The following NAGPA variants were observed in gnomAD, a reference collection of about 807,000 sequenced individuals.
The protein encoded by NAGPA is N-acetylglucosamine-1-phosphodiester alpha-N-acetylglucosaminidase, also known as alpha-N-acetylglucosaminyl phosphodiesterase.
A neutral mutation model predicts 48.5 loss-of-function variants in NAGPA; 56 were observed. The observed-to-expected ratio is 1.15, with a 90% CI of 0.93 to 1.44. The LOEUF is 1.44. Ranked by LOEUF, NAGPA falls within the 40% of genes most tolerant of loss-of-function variation. The pLI is 0.00. For missense variants in NAGPA, 888 were observed against 735.0 expected, an observed-to-expected ratio of 1.21 and a Z score of -2.41; for synonymous variants, 399 against 315.5, an observed-to-expected ratio of 1.26 and a Z score of -2.81.
In NAGPA at chr16:5,027,277, C is replaced by T. The variant is rs762744538; in HGVS notation, c.1276+1G>A. 9 of 1,614,210 alleles carry T rather than the reference C, an allele frequency of 5.6e-6. No individual in the cohort carries two copies. The South Asian group carries it at 7.7e-5, about 14-fold the overall frequency. On this transcript the variant is annotated splice_donor_variant, in intron 8 of 9. Transcript: ENST00000312251. LOFTEE classifies it high-confidence loss of function. The stretch of plus-strand genomic sequence containing the variant: ...ACCCCTCCCCTTGGAGGGATAGGTA[C>T]CTCTGGAGACGCTGCAGTTGCCAGT...
chr16:5,028,687 G>A, intron 5 of NAGPA, 193 bp downstream of exon 5: 2 of 807,832 alleles, frequency 2.5e-6, no homozygotes, highest in South Asian at 1.5e-5. Flanking sequence ...TCCTCAGGGA[G>A]GTCTTTGCTG....
At chr16:5,025,751 G>C in intron 9 of NAGPA, 66 bp from the exon 10 acceptor site, 1 of 1,485,624 alleles carries the variant, frequency 6.7e-7, no homozygotes, top group Non-Finnish European at 9.2e-7. Context: ...GGTAGCACTG[G>C]AGGGGCTTCC....
At position 5,027,288 on chromosome 16, in the gene NAGPA, G is replaced by A. The variant is rs182496699; in HGVS notation, c.1266C>T (p.Ser422=). ...CPCDPKTGNC[S]VSRVKQCLQP... The stretch of plus-strand genomic sequence containing the variant: ...TGGAGGGATAGGTACCTCTGGAGAC[G>A]CTGCAGTTGCCAGTCTTGGGGTCAC... Residue 422 remains serine, a synonymous_variant, in exon 8 of 10, where the codon AGC becomes AGT. Transcript: ENST00000312251. The A allele has an allele frequency of 7.6e-5, 122 of 1,614,234 alleles. No individual in the cohort carries two copies. The Admixed American group carries it at 1.3e-3, about 17-fold the overall frequency.
rs761793673 is a variant in NAGPA, at chr16:5,033,281, C to G, written c.534G>C (p.Leu178=). The change falls in exon 2 of 10, where the codon CTG becomes CTC. Residue 178 remains leucine (L), a synonymous_variant. Coordinates refer to ENST00000312251, the MANE Select transcript of NAGPA (RefSeq NM_016256.4). This position sits in a 1 kb window ranked among gnomAD's most constrained non-coding sequence, Gnocchi z 4.2. ...GCTCCCTGCCTCCTCACCCGGTGACCAGGGTCCCGTCGCGGCGGATCCCGA... is the reference window on the plus strand; with the variant it reads ...GCTCCCTGCCTCCTCACCCGGTGACGAGGGTCCCGTCGCGGCGGATCCCGA... ...AQFGIRRDGT[L]VTGYLSEEEV... is the part of the protein sequence containing the mutation. The G allele has an allele frequency of 7.5e-6, 12 of 1,593,816 alleles. No individual in the cohort carries two copies. Among genetic ancestry groups the G allele is most frequent in the South Asian group, 6.7e-5 (6 of 90,180 alleles).
rs748371950 is a variant in NAGPA at position 5,029,020 on chromosome 16, A to C, written c.792-12T>G. 2 of 1,612,440 alleles carry C rather than the reference A, an allele frequency of 1.2e-6. No homozygotes were observed. Among genetic ancestry groups the C allele is most frequent in the South Asian group, 2.2e-5 (2 of 91,088 alleles). ...CCCACAGGTTGATGCTGCGGCACAA[A>C]GCGGCGCTGCTCAGGCTCAGCGCCC... On this transcript the variant is annotated splice_polypyrimidine_tract_variant and intron_variant, in intron 4 of 9. Coordinates refer to ENST00000312251, the MANE Select transcript of NAGPA (RefSeq NM_016256.4).
At chr16:5,029,495 C>CCTGGATTCTTCCAACAACCTGGA (rs1204962149) in intron 4 of NAGPA, 4 of 232,930 alleles carry the variant, frequency 1.7e-5, no homozygotes, top group Non-Finnish European at 2.6e-5. Flanking sequence ...ACAACCTAAA[C>CCTGGATTCTTCCAACAACCTGGA]AAGAGGATTC....
Position 5,033,001 on chromosome 16 carries a change from T to C in NAGPA, c.542+272A>G. The C allele has an allele frequency of 1.8e-6, 1 of 569,540 alleles. No individual in the cohort carries two copies. The highest frequency in any genetic ancestry group is 3.1e-6 in the Non-Finnish European group (1 of 320,520). 35.3% of individuals were successfully genotyped at this position (569,540 alleles called of 1,614,324 possible). ...ATGTTAGCTATTTACCCGGCTTTTG[T>C]TGATTTTTCTAGTAATGGGGGAGGG... is the stretch of plus-strand genomic sequence containing the variant. On this transcript the variant is annotated intron_variant, in intron 2 of 9. Transcript: ENST00000312251. The surrounding 1 kb of genome is among the most constrained non-coding windows in gnomAD (Gnocchi z 4.2).
At position 5,033,018 on chromosome 16, in the gene NAGPA, G is replaced by A; in HGVS notation, c.542+255C>T. The stretch of plus-strand genomic sequence containing the variant: ...GGCTTTTGTTGATTTTTCTAGTAAT[G>A]GGGGAGGGCTGTTAAGGCAAAGACT... On this transcript the variant is annotated intron_variant, in intron 2 of 9. Coordinates refer to ENST00000312251, the MANE Select transcript of NAGPA (RefSeq NM_016256.4). The surrounding 1 kb of genome is among the most constrained non-coding windows in gnomAD (Gnocchi z 4.2). The A allele has an allele frequency of 1.7e-6, 1 of 580,520 alleles. No homozygotes were observed. Among genetic ancestry groups the A allele is most frequent in the Non-Finnish European group, 3.1e-6 (1 of 327,820 alleles). The allele number at this position is 580,520 out of a possible 1,614,324, so 36.0% of individuals were successfully genotyped here. A position where few individuals can be genotyped will look rare whatever the true frequency, so the allele number is the denominator to read the frequency against.
Position 5,032,002 on chromosome 16 carries a change from C to T in NAGPA, c.543-118G>A, listed in dbSNP as rs559757417. ...AGATTCCCCCTCATGCCCCAGGAAC[C>T]TCCTGGGGCCTGAGTGTAGCTGGGA... On this transcript the variant is annotated intron_variant, in intron 2 of 9. Transcript: ENST00000312251. 1.0e-4 allele frequency: 136 copies of T among 1,341,948 alleles called. 2 individuals carry two copies. In the African/African-American group the frequency reaches 1.2e-3, roughly 12 times the overall value. 83.1% of individuals were successfully genotyped at this position (1,341,948 alleles called of 1,614,324 possible). A position where few individuals can be genotyped will look rare whatever the true frequency, so the allele number is the denominator to read the frequency against.
chr16:5,029,558 G>A (rs1475613416), intron 4 of NAGPA: 1 of 194,268 alleles, frequency 5.1e-6, no homozygotes, highest in African/African-American at 2.3e-5. Context: ...TTTGTCCATG[G>A]GACACCCTGA....
chr16:5,027,338 A>G lies in NAGPA; in HGVS notation c.1216T>C (p.Cys406Arg). The G allele has an allele frequency of 6.2e-7, 1 of 1,614,106 alleles. No homozygotes were observed. Among genetic ancestry groups the G allele is most frequent in the Non-Finnish European group, 8.5e-7 (1 of 1,180,012 alleles). ...GWHGPGCQRP[C>R]KCEHHCPCDP... ...CAGGGACAATGGTGCTCACACTTAC[A>G]AGGCCTCTGGCAGCCCGGCCCATGC... is the stretch of plus-strand genomic sequence containing the variant. The change falls in exon 8 of 10, where the codon TGT (cysteine) becomes CGT (arginine). Residue 406 changes from cysteine (C) to arginine (R), a missense_variant. Physicochemically the swap from Cys to Arg is radical, Grantham distance 180 (BLOSUM62 -3). Coordinates refer to ENST00000312251, the MANE Select transcript of NAGPA (RefSeq NM_016256.4).
rs1463151722 is a variant in NAGPA at position 5,027,067 on chromosome 16, A to C, written c.1340+68T>G. The C allele has an allele frequency of 7.0e-6, 11 of 1,579,032 alleles. No homozygotes were observed. The South Asian group carries it at 1.2e-4, about 18-fold the overall frequency. ...GGACAAGGGCAGAGATGGACCTCACAGGGGAAGGGTGCGGGAGAGAAGGGG... is the reference window on the plus strand; with the variant it reads ...GGACAAGGGCAGAGATGGACCTCACCGGGGAAGGGTGCGGGAGAGAAGGGG... On this transcript the variant is annotated intron_variant, in intron 9 of 9. Coordinates refer to ENST00000312251, the MANE Select transcript of NAGPA (RefSeq NM_016256.4).
At chr16:5,028,573 C>T in intron 5 of NAGPA, 1 of 548,722 alleles carries the variant, frequency 1.8e-6, no homozygotes, top group South Asian at 1.9e-5. Flanking sequence ...TCCCTACAAT[C>T]CCTCCCAGCC....
At position 5,033,661 on chromosome 16, in the gene NAGPA, T is replaced by G. The variant is rs750175079; in HGVS notation, c.154A>C (p.Thr52Pro). The G allele has an allele frequency of 1.0e-5, 16 of 1,586,596 alleles. No homozygotes were observed. Among genetic ancestry groups the G allele is most frequent in the African/African-American group, 1.3e-5 (1 of 74,322 alleles). The stretch of plus-strand genomic sequence containing the variant: ...TCGCGGTTGCCGGCGCGCACCCGTG[T>G]GCAGTCCCGGGGGAGGCGCGCGCGC... Reference protein sequence around the residue: ...RARARLPRDCTRVRAGNREHE... With the variant: ...RARARLPRDCPRVRAGNREHE... The change falls in exon 2 of 10, where the codon ACA (threonine) becomes CCA (proline). Residue 52 changes from threonine (T) to proline (P), a missense_variant. Coordinates refer to ENST00000312251, the MANE Select transcript of NAGPA (RefSeq NM_016256.4). The surrounding 1 kb of genome is among the most constrained non-coding windows in gnomAD (Gnocchi z 4.2).
chr16:5,033,587 C>G lies in NAGPA; in HGVS notation c.228G>C (p.Leu76=). ...AGTGCGACACGAAGGTGCGCACGGC[C>G]AGACCGCCGGCGCCGGGAGTCGCGG... The part of the protein sequence containing the change: ...PPPATPGAGG[L]AVRTFVSHFR... The change falls in exon 2 of 10, where the codon CTG becomes CTC. Residue 76 remains leucine (L), a synonymous_variant. Transcript: ENST00000312251. This position sits in a 1 kb window ranked among gnomAD's most constrained non-coding sequence, Gnocchi z 4.2. 6.7e-7 allele frequency: 1 copy of G among 1,485,524 alleles called. No homozygotes were observed. Among genetic ancestry groups the G allele is most frequent in the South Asian group, 1.3e-5 (1 of 76,704 alleles). The allele number at this position is 1,485,524 out of a possible 1,614,324, so 92.0% of individuals were successfully genotyped here.
Position 5,033,103 on chromosome 16 carries a change from A to G in NAGPA, c.542+170T>C. The G allele has an allele frequency of 1.3e-6, 1 of 794,524 alleles. No individual in the cohort carries two copies. Among genetic ancestry groups the G allele is most frequent in the Non-Finnish European group, 2.0e-6 (1 of 496,708 alleles). The allele number at this position is 794,524 out of a possible 1,614,324, so 49.2% of individuals were successfully genotyped here. The stretch of plus-strand genomic sequence containing the variant: ...CATTGCCTGATACAAGCAAGTGCTC[A>G]ATGATACTGGATGATGAATAAACTC... On this transcript the variant is annotated intron_variant, in intron 2 of 9. Transcript: ENST00000312251. This position sits in a 1 kb window ranked among gnomAD's most constrained non-coding sequence, Gnocchi z 4.2.
In NAGPA at chr16:5,028,929, C is replaced by A; in HGVS notation, c.871G>T (p.Ala291Ser). The change falls in exon 5 of 10, where the codon GCC becomes TCC. Residue 291 changes from alanine (A) to serine (S), a missense_variant. By Grantham distance (99) the Ala-to-Ser change is moderately conservative. Coordinates refer to ENST00000312251, the MANE Select transcript of NAGPA (RefSeq NM_016256.4). The part of the protein sequence containing the change: ...NAINLDGGGS[A>S]TFVLNGTLAS... ...AAGGTCCCGTTGAGCACAAAGGTGG[C>A]AGAGCCACCCCCATCCAGGTTGATG... The A allele has an allele frequency of 6.2e-7, 1 of 1,614,094 alleles. No individual in the cohort carries two copies. The highest frequency in any genetic ancestry group is 8.5e-7 in the Non-Finnish European group (1 of 1,180,042).
rs1596663664 is a variant in NAGPA at position 5,029,194 on chromosome 16, G to A, written c.792-186C>T. The A allele has an allele frequency of 5.3e-6, 5 of 945,198 alleles. No individual in the cohort carries two copies. The East Asian group carries it at 1.1e-4, about 20-fold the overall frequency. The allele number at this position is 945,198 out of a possible 1,614,324, so 58.6% of individuals were successfully genotyped here. A position where few individuals can be genotyped will look rare whatever the true frequency, so the allele number is the denominator to read the frequency against. ...AACACGTGAGATCACACCCATGCCT[G>A]TGCTGTTACATGGCATAGGAATCCT... is the stretch of plus-strand genomic sequence containing the variant. On this transcript the variant is annotated intron_variant, in intron 4 of 9. Transcript: ENST00000312251.
chr16:5,031,972 C>T, intron 2 of NAGPA, 88 bp from the exon 3 acceptor site: 2 of 1,581,684 alleles, frequency 1.3e-6, no homozygotes, highest in East Asian at 2.2e-5. Context: ...CCCAACCTGG[C>T]TGCTAGATTC....
Sources: allele counts gnomAD v4.1 joint callset, GRCh38; gene constraint gnomAD v4.1.1; non-coding constraint Gnocchi (gnomAD v3.1); transcripts MANE v1.5; gene names NCBI Gene and HGNC (gene_info 2026-07-23, HGNC 2026-07-21).